Variants in PCLO observed in about 807,000 individuals in gnomAD.
PCLO encodes the protein piccolo presynaptic cytomatrix protein.
Under a neutral mutation model 427.5 loss-of-function variants are expected in PCLO, and 82 were observed. That is an observed-to-expected ratio of 0.19 (90% CI 0.16 to 0.23). PCLO has a LOEUF of 0.23. PCLO is among the 10% of genes least tolerant of loss of function. The pLI, the probability that PCLO is intolerant of heterozygous loss-of-function variation, is 1.00. For synonymous variants in PCLO, 2,357 were observed against 2,155.4 expected, an observed-to-expected ratio of 1.09 and a Z score of -2.59; for missense variants, 6,239 against 6,115.9, an observed-to-expected ratio of 1.02 and a Z score of -0.67.
At chr7:83,147,841 T>G (rs1274065942) in intron 2 of PCLO, among the ~76,000 whole-genome samples, 1 of 152,184 alleles carries the variant, frequency 6.6e-6, no homozygotes, top group Non-Finnish European at 1.5e-5. Context: ...CCTTCCTCTC[T>G]GGAATCAATC....
rs1790362735 is a variant in PCLO, at chr7:82,758,472, T to G, written c.*103A>C. The stretch of plus-strand genomic sequence containing the variant: ...TGTTTTTGCTTGTTGTTCCCACTCT[T>G]ATGTTTGCCTCTCAAAACTTAGCTT... On this transcript the variant is annotated 3_prime_UTR_variant, in exon 25 of 25. Transcript: ENST00000333891. The G allele has an allele frequency of 1.1e-6, 1 of 892,250 alleles. No homozygotes were observed. Among genetic ancestry groups the G allele is most frequent in the Non-Finnish European group, 1.7e-6 (1 of 601,576 alleles). 55.3% of individuals were successfully genotyped at this position (892,250 alleles called of 1,614,324 possible).
At chr7:83,149,169 A>T (rs1792068047) in intron 2 of PCLO, among the ~76,000 whole-genome samples, 2 of 152,116 alleles carry the variant, frequency 1.3e-5, no homozygotes, top group African/African-American at 4.8e-5. Context: ...TTGTCTTCCC[A>T]GTGAAGATTA....
intron 22 of PCLO, among the ~76,000 whole-genome samples, chr7:82,794,039 T>C (rs965090196): frequency 4.6e-5 from 7 of 152,176 alleles, no homozygotes. Flanking sequence ...TTCAAAGGCA[T>C]TAATTATTAT....
At chr7:82,879,486 A>C (rs561888956) in intron 9 of PCLO, 24 bp from the exon 10 acceptor site, 1 of 1,517,820 alleles carries the variant, frequency 6.6e-7, no homozygotes, top group African/African-American at 1.4e-5. Context: ...TTAGCAAATT[A>C]TTAGTACTAA....
chr7:82,791,983 A>T (rs1397072405), intron 22 of PCLO, among the ~76,000 whole-genome samples: 1 of 152,074 alleles, frequency 6.6e-6, no homozygotes, highest in Admixed American at 6.5e-5. Flanking sequence ...GAACTGGAAA[A>T]AGAAGTTAAA....
chr7:82,909,008 G>C lies in PCLO; in HGVS notation c.13306C>G (p.His4436Asp). The C allele has an allele frequency of 6.2e-7, 1 of 1,612,458 alleles. No individual in the cohort carries two copies. Among genetic ancestry groups the C allele is most frequent in the Non-Finnish European group, 8.5e-7 (1 of 1,179,028 alleles). The change falls in exon 8 of 25, where the codon CAT (histidine) becomes GAT (aspartate). Residue 4436 changes from histidine to aspartate, a missense_variant. Around this residue, in one of 5 missense-constraint regions of PCLO, gnomAD observed 877 missense variants for 925.5 expected, o/e 0.95. Coordinates refer to ENST00000333891, the MANE Select transcript of PCLO (RefSeq NM_033026.6). ...CAATCTGTTTCCTCACGACGCAGAT[G>C]ATAGGCTTTGGACACCAAGGAAACA... Reference protein sequence around the residue: ...QHAMSDSEAYHLRREETDWFD... With the variant: ...QHAMSDSEAYDLRREETDWFD...
intron 21 of PCLO, among the ~76,000 whole-genome samples, chr7:82,802,595 G>A (rs539700354): frequency 2.1e-4 from 32 of 152,208 alleles, no homozygotes; most frequent in African/African-American, 6.3e-4. Flanking sequence ...TAGATAAGGC[G>A]TTCTAAAAAG....
chr7:82,926,695 C>T (rs1488189975), intron 6 of PCLO, among the ~76,000 whole-genome samples: 2 of 152,166 alleles, frequency 1.3e-5, no homozygotes, highest in African/African-American at 4.8e-5. Flanking sequence ...CTAGTTTCTA[C>T]CTCACTGGAC....
At chr7:83,090,427 C>T (rs1790350055) in intron 3 of PCLO, among the ~76,000 whole-genome samples, 2 of 152,154 alleles carry the variant, frequency 1.3e-5, no homozygotes, top group South Asian at 2.1e-4. Flanking sequence ...GTTACTAGAA[C>T]GTTGCATTCC....
At chr7:83,049,330 T>C (rs191051935) in intron 3 of PCLO, among the ~76,000 whole-genome samples, 29 of 152,286 alleles carry the variant, frequency 1.9e-4, no homozygotes, top group Non-Finnish European at 3.4e-4. Flanking sequence ...CTATTAACAC[T>C]GCAGTCAAGT....
chr7:82,862,565 T>TAAAA, intron 10 of PCLO, among the ~76,000 whole-genome samples: 1 of 46,680 alleles, frequency 2.1e-5, no homozygotes, highest in Non-Finnish European at 3.9e-5. Context: ...AGACTCTGCC[T>TAAAA]CAAAAAAAAA....
chr7:82,840,661 T>A (rs1441002497), intron 14 of PCLO, among the ~76,000 whole-genome samples: 3 of 152,094 alleles, frequency 2.0e-5, no homozygotes, highest in Non-Finnish European at 4.4e-5. Context: ...TATGCTTATC[T>A]TCAAATTAAT....
chr7:82,947,747 A>G (rs531744165), intron 6 of PCLO, among the ~76,000 whole-genome samples: 5 of 152,084 alleles, frequency 3.3e-5, no homozygotes, highest in Non-Finnish European at 7.4e-5. Context: ...TGGTAATTCT[A>G]CTCAACTTCC....
At chr7:82,901,687 G>A (rs1794043841) in intron 9 of PCLO, among the ~76,000 whole-genome samples, 1 of 152,024 alleles carries the variant, frequency 6.6e-6, no homozygotes, top group African/African-American at 2.4e-5. Context: ...CTGACAAAGG[G>A]CTAATATCCA....
chr7:82,960,661 A>G (rs1196112635), intron 4 of PCLO, among the ~76,000 whole-genome samples: 2 of 152,202 alleles, frequency 1.3e-5, no homozygotes, highest in Admixed American at 6.5e-5. Flanking sequence ...GTTATACTTC[A>G]GGATTAATTT....
At chr7:83,081,073 G>A (rs1267728126) in intron 3 of PCLO, among the ~76,000 whole-genome samples, 1 of 151,790 alleles carries the variant, frequency 6.6e-6, no homozygotes, top group African/African-American at 2.4e-5. Context: ...ACTGATAAGG[G>A]GTGGACTACT....
At chr7:82,819,441 G>C (rs1353694474) in intron 20 of PCLO, among the ~76,000 whole-genome samples, 3 of 151,574 alleles carry the variant, frequency 2.0e-5, no homozygotes, top group Non-Finnish European at 2.9e-5. Flanking sequence ...GTGAAATAAG[G>C]GAAGTGTTTG....
At chr7:83,056,094 G>C (rs1274616488) in intron 3 of PCLO, among the ~76,000 whole-genome samples, 1 of 151,834 alleles carries the variant, frequency 6.6e-6, no homozygotes, top group African/African-American at 2.4e-5. Flanking sequence ...AAAGTATATG[G>C]GCCTCTAAAT....
At chr7:83,126,022 T>C (rs1271641850) in intron 3 of PCLO, among the ~76,000 whole-genome samples, 5 of 152,216 alleles carry the variant, frequency 3.3e-5, no homozygotes, top group African/African-American at 1.2e-4. Context: ...GTGGTACATA[T>C]ATAGCATGGA....
Sources: allele counts gnomAD v4.1 joint callset (sites outside exome capture counted in the v4.1 genomes callset), GRCh38; gene constraint gnomAD v4.1.1; regional missense constraint gnomAD v4.1.1; transcripts MANE v1.5; gene names NCBI Gene and HGNC (gene_info 2026-07-23, HGNC 2026-07-21).